NUSAP1: variants seen among roughly 807,000 people sequenced by gnomAD.
NUSAP1 encodes the protein nucleolar and spindle-associated protein 1.
Under a neutral mutation model 52.8 loss-of-function variants are expected in NUSAP1, and 32 were observed. The observed-to-expected ratio is 0.61, with a 90% CI of 0.46 to 0.81. NUSAP1 has a LOEUF of 0.81. Among genes scored for constraint, NUSAP1 ranks in the 40% least tolerant of loss-of-function variants. NUSAP1 has a pLI of 0.00. For synonymous variants in NUSAP1, 195 were observed against 183.1 expected (o/e 1.06, Z -0.52); for missense variants, 499 against 522.3 (o/e 0.96, Z 0.43).
intron 1 of NUSAP1, among the ~76,000 whole-genome samples, chr15:41,338,785 G>A (rs58335029): frequency 0.086 from 12,895 of 149,236 alleles, 693 homozygotes; most frequent in African/African-American, 0.16. Flanking sequence ...GCAAAACCCC[G>A]TCTCTACTAA....
intron 2 of NUSAP1, among the ~76,000 whole-genome samples, chr15:41,347,038 G>A (rs1449652183): frequency 1.3e-5 from 2 of 151,998 alleles, no homozygotes; most frequent in African/African-American, 4.8e-5. Context: ...TGGGCATGGT[G>A]GCATGTACCT....
At chr15:41,379,173 C>G (rs1019579411) in intron 10 of NUSAP1, among the ~76,000 whole-genome samples, 8 of 151,912 alleles carry the variant, frequency 5.3e-5, no homozygotes, top group African/African-American at 1.9e-4. Context: ...AAGCTGGTCT[C>G]AAACTGCTGA....
rs1042949058 is a variant in NUSAP1 at position 41,370,093 on chromosome 15, A to G, written c.849-1434A>G. Among the ~76,000 whole-genome samples, 5 of 145,266 alleles carry G rather than the reference A, an allele frequency of 3.4e-5. No homozygotes were observed. In the Admixed American group the frequency reaches 3.5e-4, roughly 10 times the overall value. On this transcript the variant is annotated intron_variant, in intron 7 of 10. Transcript: ENST00000559596. Reference sequence around the variant, plus strand: ...CCAAAAAAAGAAGAAAGAAAGAAAGACAAATCAGCCAGGCGCGGTGGCTCA... The same window carrying G: ...CCAAAAAAAGAAGAAAGAAAGAAAGGCAAATCAGCCAGGCGCGGTGGCTCA...
chr15:41,354,223 C>G (rs113710447), intron 4 of NUSAP1, among the ~76,000 whole-genome samples: 1 of 152,040 alleles, frequency 6.6e-6, no homozygotes, highest in African/African-American at 2.4e-5. Context: ...CAGAAGCAAA[C>G]AGGCCAGGCG....
intron 4 of NUSAP1, 82 bp from the exon 5 acceptor site, chr15:41,355,957 C>T (rs1385172093): frequency 1.4e-5 from 11 of 781,606 alleles, no homozygotes; most frequent in Admixed American, 4.5e-5. Flanking sequence ...GGATTACAGG[C>T]GTGAGCTACC....
chr15:41,344,757 A>G (rs1418909154), intron 2 of NUSAP1, among the ~76,000 whole-genome samples: 1 of 152,140 alleles, frequency 6.6e-6, no homozygotes, highest in East Asian at 1.9e-4. Flanking sequence ...CCTGGCTAAC[A>G]TGGCAAAACA....
At chr15:41,360,014 A>G (rs1465655961) in intron 6 of NUSAP1, among the ~76,000 whole-genome samples, 1 of 151,324 alleles carries the variant, frequency 6.6e-6, no homozygotes, top group African/African-American at 2.4e-5. Flanking sequence ...GCTGGAGTGC[A>G]ATGGTGCGAT....
intron 8 of NUSAP1, among the ~76,000 whole-genome samples, chr15:41,373,489 A>C (rs2140846138): frequency 7.5e-6 from 1 of 132,684 alleles, no homozygotes; most frequent in African/African-American, 3.0e-5. Context: ...TCACTCTATC[A>C]CCCAGGCTGG....
Position 41,356,086 on chromosome 15 carries a change from A to G in NUSAP1, c.496A>G (p.Thr166Ala). 6.2e-7 allele frequency: 1 copy of G among 1,609,576 alleles called. No homozygotes were observed. Among genetic ancestry groups the G allele is most frequent in the Non-Finnish European group, 8.5e-7 (1 of 1,177,882 alleles). ...VPSEGKKSLY[T>A]DESSKPGKNK... ...TTCAGAAGGAAAGAAATCTCTCTACACAGATGAGTCATCCAAACCTGGAAA... is the reference window on the plus strand; with the variant it reads ...TTCAGAAGGAAAGAAATCTCTCTACGCAGATGAGTCATCCAAACCTGGAAA... Residue 166 changes from threonine (T) to alanine (A), a missense_variant, in exon 5 of 11, where the codon ACA (threonine) becomes GCA (alanine). Physicochemically the swap from Thr to Ala is moderately conservative, Grantham distance 58. Transcript: ENST00000559596.
At chr15:41,372,303 G>A (rs2049734197) in intron 8 of NUSAP1, among the ~76,000 whole-genome samples, 1 of 152,120 alleles carries the variant, frequency 6.6e-6, no homozygotes, top group Admixed American at 6.6e-5. Context: ...GCCTCGGAAA[G>A]GTCCTGGAGG....
At position 41,379,542 on chromosome 15, in the gene NUSAP1, A is replaced by T. The variant is rs140066877; in HGVS notation, c.1233-551A>T. On this transcript the variant is annotated intron_variant, in intron 10 of 10. Coordinates refer to ENST00000559596, the MANE Select transcript of NUSAP1 (RefSeq NM_016359.5). ...CTCCAATTCCATGCATGATTTTATT[A>T]TTTATTTTTGTTTGTTTGTTTTGAG... Among the ~76,000 whole-genome samples the T allele has an allele frequency of 1.2e-3, 187 of 151,922 alleles. 1 individual carries two copies. The East Asian group carries it at 0.033, about 27-fold the overall frequency.
At chr15:41,352,338 C>A (rs1457525354) in intron 4 of NUSAP1, among the ~76,000 whole-genome samples, 7 of 152,138 alleles carry the variant, frequency 4.6e-5, no homozygotes, top group African/African-American at 1.4e-4. Flanking sequence ...ATTAGTTTCA[C>A]CTGGGCAAAT....
intron 1 of NUSAP1, among the ~76,000 whole-genome samples, chr15:41,333,387 G>A (rs925563956): frequency 5.9e-5 from 9 of 152,122 alleles, no homozygotes; most frequent in African/African-American, 2.2e-4. Context: ...AAAGCACAAG[G>A]GGTGTCGTTA....
At chr15:41,374,281 G>A (rs2049829052) in intron 8 of NUSAP1, among the ~76,000 whole-genome samples, 1 of 152,140 alleles carries the variant, frequency 6.6e-6, no homozygotes, top group African/African-American at 2.4e-5. Flanking sequence ...GGCTGGATGA[G>A]GGCAGATCAG....
chr15:41,351,095 C>T lies in NUSAP1; in HGVS notation c.414C>T (p.Asp138=), dbSNP rs747528263. 6.8e-6 allele frequency: 11 copies of T among 1,613,552 alleles called. No individual in the cohort carries two copies. The highest frequency in any genetic ancestry group is 4.4e-5 in the South Asian group (4 of 90,952). ...CTGCAAAAGTTCCTTCTCCACCAGA[C>T]GAGCACCAAGAAGCTGAGAATGCTG... is the stretch of plus-strand genomic sequence containing the variant. ...RATAKVPSPP[D]EHQEAENAVS... The change falls in exon 4 of 11, where the codon GAC becomes GAT. Residue 138 remains aspartate (D), a synonymous_variant. Coordinates refer to ENST00000559596, the MANE Select transcript of NUSAP1 (RefSeq NM_016359.5).
intron 4 of NUSAP1, among the ~76,000 whole-genome samples, chr15:41,355,195 A>C (rs2048920545): frequency 1.3e-5 from 2 of 150,936 alleles, no homozygotes; most frequent in Admixed American, 1.3e-4. Flanking sequence ...TTTTTTTGAG[A>C]CAGAGTCTCG....
In NUSAP1 at chr15:41,358,275, A is replaced by T. The variant is rs1268851730; in HGVS notation, c.660+17A>T. On this transcript the variant is annotated intron_variant, in intron 6 of 10. Transcript: ENST00000559596. ...GAACTGAAGGTATGTAGATAAAATTATGTTCTTAATGGAACTAAACTGTTT... is the reference window on the plus strand; with the variant it reads ...GAACTGAAGGTATGTAGATAAAATTTTGTTCTTAATGGAACTAAACTGTTT... The T allele has an allele frequency of 2.6e-6, 3 of 1,147,100 alleles. No homozygotes were observed. In the Admixed American group the frequency reaches 6.0e-5, roughly 23 times the overall value. The allele number at this position is 1,147,100 out of a possible 1,614,324, so 71.1% of individuals were successfully genotyped here.
chr15:41,354,669 CG>C (rs2048895753), intron 4 of NUSAP1, among the ~76,000 whole-genome samples: 3 of 78,556 alleles, frequency 3.8e-5, no homozygotes, highest in East Asian at 5.0e-4. Context: ...TTGTTTTAAC[CG>C]ATATATATAT....
chr15:41,340,952 A>C (rs182869791), intron 1 of NUSAP1, among the ~76,000 whole-genome samples: 6 of 152,362 alleles, frequency 3.9e-5, no homozygotes, highest in African/African-American at 1.2e-4. Flanking sequence ...GATAAAAGGC[A>C]TGAGAAGAAT....
Sources: allele counts gnomAD v4.1 joint callset (sites outside exome capture counted in the v4.1 genomes callset), GRCh38; gene constraint gnomAD v4.1.1; transcripts MANE v1.5; gene names NCBI Gene and HGNC (gene_info 2026-07-23, HGNC 2026-07-21).